CCSER1: variants seen among roughly 807,000 people sequenced by gnomAD.
CCSER1 encodes serine-rich coiled-coil domain-containing protein 1.
CCSER1 carries 41 observed loss-of-function variants against 82.0 expected under a neutral mutation model. The ratio of observed to expected loss-of-function variants is 0.50; its 90% confidence interval spans 0.39 to 0.65. The LOEUF is 0.65. CCSER1 is among the 30% of genes least tolerant of loss of function. The probability of loss-of-function intolerance (pLI) is 0.00; values close to 1 mark genes in which losing one functional copy is unlikely to be tolerated. For synonymous variants in CCSER1, 414 were observed against 383.9 expected (o/e 1.08, Z -0.92); for missense variants, 1,119 against 1,064.2 (o/e 1.05, Z -0.72).
At chr4:91,258,690 A>G (rs963120849) in intron 10 of CCSER1, among the ~76,000 whole-genome samples, 5 of 152,166 alleles carry the variant, frequency 3.3e-5, no homozygotes, top group African/African-American at 1.2e-4. Context: ...AGATTTATTC[A>G]TTTCCTGCTT....
rs192693201 is a variant in CCSER1 at position 91,356,121 on chromosome 4, G to A, written c.2218-242451G>A. Among the ~76,000 whole-genome samples the A allele has an allele frequency of 2.1e-4, 32 of 152,356 alleles. No individual in the cohort carries two copies. In the East Asian group the frequency reaches 4.6e-3, roughly 22 times the overall value. ...CAGGTCTGTTGCTACCAGGGCCCTT[G>A]GACATGGGGGCCAGTCTTTGGAAAC... is the stretch of plus-strand genomic sequence containing the variant. On this transcript the variant is annotated intron_variant, in intron 10 of 10. Coordinates refer to ENST00000509176, the MANE Select transcript of CCSER1 (RefSeq NM_001145065.2).
intron 1 of CCSER1, among the ~76,000 whole-genome samples, chr4:90,303,391 C>G (rs1353584121): frequency 6.6e-6 from 1 of 152,088 alleles, no homozygotes; most frequent in Non-Finnish European, 1.5e-5. Context: ...CACTACCTGA[C>G]TTCAAACTAT....
chr4:90,813,608 G>A (rs933214297), intron 7 of CCSER1, among the ~76,000 whole-genome samples: 2 of 152,134 alleles, frequency 1.3e-5, no homozygotes, highest in Admixed American at 1.3e-4. Flanking sequence ...GATCTGATGG[G>A]TTCATCAGGG....
intron 10 of CCSER1, among the ~76,000 whole-genome samples, chr4:91,503,118 G>A (rs913462396): frequency 6.6e-5 from 10 of 151,958 alleles, no homozygotes; most frequent in Non-Finnish European, 1.2e-4. Flanking sequence ...CGAGGCGGGC[G>A]GATCACGAGG....
chr4:90,538,282 T>C (rs1410047182), intron 5 of CCSER1, among the ~76,000 whole-genome samples: 2 of 152,144 alleles, frequency 1.3e-5, no homozygotes, highest in African/African-American at 4.8e-5. Context: ...TATGCAGTTT[T>C]GATATTCTCT....
rs977870290 is a variant in CCSER1, at chr4:91,335,961, A to G, written c.2217+249967A>G. On this transcript the variant is annotated intron_variant, in intron 10 of 10. Coordinates refer to ENST00000509176, the MANE Select transcript of CCSER1 (RefSeq NM_001145065.2). ...CATTTTTGGCCATAATTTACTCTTC[A>G]TTTGCTGCACTTTATTTTTCTGCTT... is the stretch of plus-strand genomic sequence containing the variant. 2.0e-5 allele frequency among the ~76,000 whole-genome samples: 3 copies of G among 152,118 alleles called. No homozygotes were observed. The East Asian group carries it at 5.8e-4, about 29-fold the overall frequency.
chr4:91,136,996 A>T (rs1728531179), intron 10 of CCSER1, among the ~76,000 whole-genome samples: 1 of 134,428 alleles, frequency 7.4e-6, no homozygotes, highest in East Asian at 2.2e-4. Flanking sequence ...TGATTATAGA[A>T]ATGTTTATAA....
intron 7 of CCSER1, chr4:90,727,175 A>G (rs1288966794): frequency 2.2e-6 from 1 of 452,400 alleles, no homozygotes; most frequent in Non-Finnish European, 4.4e-6. Context: ...GCAAATGTAT[A>G]ACCTCTAGTT....
intron 5 of CCSER1, among the ~76,000 whole-genome samples, chr4:90,546,175 C>T (rs1218371133): frequency 1.3e-5 from 2 of 152,038 alleles, no homozygotes; most frequent in Admixed American, 1.3e-4. Flanking sequence ...GAGGTTATTT[C>T]CTCTCCTGCT....
chr4:90,302,337 A>G (rs1733309981), intron 1 of CCSER1, among the ~76,000 whole-genome samples: 2 of 152,184 alleles, frequency 1.3e-5, no homozygotes, highest in African/African-American at 4.8e-5. Flanking sequence ...CAGGTCCAAA[A>G]TGAGAGACAG....
chr4:91,441,074 T>C (rs534428273), intron 10 of CCSER1, among the ~76,000 whole-genome samples: 2 of 152,172 alleles, frequency 1.3e-5, no homozygotes, highest in African/African-American at 4.8e-5. Context: ...CTTCTGAAAC[T>C]ATTCCAATCA....
chr4:91,152,627 A>C (rs1730349835), intron 10 of CCSER1, among the ~76,000 whole-genome samples: 1 of 152,116 alleles, frequency 6.6e-6, no homozygotes, highest in Non-Finnish European at 1.5e-5. Flanking sequence ...TGGTCTTCAC[A>C]ATTTGGCATG....
chr4:91,390,160 G>GT (rs1560634018), intron 10 of CCSER1, among the ~76,000 whole-genome samples: 3 of 151,872 alleles, frequency 2.0e-5, no homozygotes, highest in Admixed American at 6.6e-5. Context: ...TTAGCTGTAG[G>GT]TTTTTTGTAG....
At chr4:90,447,318 ATTTAC>A (rs1306623321) in intron 4 of CCSER1, among the ~76,000 whole-genome samples, 1 of 152,036 alleles carries the variant, frequency 6.6e-6, no homozygotes, top group Non-Finnish European at 1.5e-5. Context: ...GTGAGAGAAA[ATTTAC>A]TTGTGGTCTT....
intron 10 of CCSER1, among the ~76,000 whole-genome samples, chr4:91,105,822 G>T (rs1477922415): frequency 6.6e-6 from 1 of 152,084 alleles, no homozygotes; most frequent in African/African-American, 2.4e-5. Context: ...TCAAAGGGAG[G>T]CTCAAGCTAG....
intron 10 of CCSER1, among the ~76,000 whole-genome samples, chr4:91,474,838 C>CAT (rs1757497604): frequency 1.4e-5 from 2 of 147,574 alleles, no homozygotes; most frequent in African/African-American, 2.5e-5. Flanking sequence ...CACACACACA[C>CAT]ATTGCCTTCC....
At chr4:90,270,127 C>G (rs7654079) in intron 1 of CCSER1, among the ~76,000 whole-genome samples, 7 of 152,100 alleles carry the variant, frequency 4.6e-5, no homozygotes, top group South Asian at 4.2e-4. Flanking sequence ...TGCAACTACT[C>G]CAAATATTAT....
chr4:91,472,288 TA>T (rs1406102384), intron 10 of CCSER1, among the ~76,000 whole-genome samples: 1 of 152,190 alleles, frequency 6.6e-6, no homozygotes, highest in Non-Finnish European at 1.5e-5. Context: ...AAGACAGTTG[TA>T]AAACAATTAA....
At chr4:90,412,740 A>G (rs1477441683) in intron 4 of CCSER1, among the ~76,000 whole-genome samples, 1 of 152,212 alleles carries the variant, frequency 6.6e-6, no homozygotes, top group Non-Finnish European at 1.5e-5. Context: ...CAAAATCGGC[A>G]TAGAAGGGAC....
Sources: gnomAD v4.1 joint callset for allele counts (sites outside exome capture counted in the v4.1 genomes callset) on GRCh38, gnomAD v4.1.1 for gene constraint, MANE v1.5 for transcripts, NCBI Gene and HGNC (gene_info 2026-07-23, HGNC 2026-07-21) for gene names.